Variants in NPHP4 observed in about 807,000 individuals in gnomAD.
NPHP4 encodes the protein nephrocystin-4.
In NPHP4, 151 loss-of-function variants were observed where a neutral mutation model predicts 155.8. The ratio of observed to expected loss-of-function variants is 0.97; its 90% CI spans 0.85 to 1.11. NPHP4 has a LOEUF of 1.11. Among genes scored for constraint, NPHP4 ranks in the 50% least tolerant of loss-of-function variants. The pLI, the probability that NPHP4 is intolerant of heterozygous loss-of-function variation, is 0.00. For synonymous variants in NPHP4, 845 were observed against 816.8 expected (o/e 1.03, Z -0.59); for missense variants, 1,956 against 1,925.7 (o/e 1.02, Z -0.29).
At chr1:5,864,799 C>G in intron 27 of NPHP4, 1 of 537,116 alleles carries the variant, frequency 1.9e-6, no homozygotes, top group Non-Finnish European at 3.3e-6. Flanking sequence ...GCTGGTGGCA[C>G]CAGGGGCCGC....
chr1:5,909,987 C>G (rs1381907731), intron 11 of NPHP4, among the ~76,000 whole-genome samples: 1 of 152,232 alleles, frequency 6.6e-6, no homozygotes, highest in Non-Finnish European at 1.5e-5. Flanking sequence ...ACCCAGGGCT[C>G]TCAGCCCCTG....
intron 16 of NPHP4, among the ~76,000 whole-genome samples, chr1:5,895,476 G>A (rs1198916801): frequency 6.6e-6 from 1 of 152,090 alleles, no homozygotes; most frequent in Non-Finnish European, 1.5e-5. Flanking sequence ...CTCCAGCTTG[G>A]GCAACAGAGT....
chr1:5,950,849 A>T (rs150539118), intron 7 of NPHP4, among the ~76,000 whole-genome samples: 117 of 152,294 alleles, frequency 7.7e-4, no homozygotes, highest in Non-Finnish European at 1.5e-3. Flanking sequence ...CTCAGCCCCA[A>T]CCTGAAAATA....
chr1:5,961,376 C>T (rs1650282848), intron 6 of NPHP4, among the ~76,000 whole-genome samples: 1 of 152,190 alleles, frequency 6.6e-6, no homozygotes, highest in East Asian at 1.9e-4. Context: ...CTGAACTGTA[C>T]ATTTTAAAAG....
chr1:5,964,052 T>C (rs937734908), intron 5 of NPHP4, among the ~76,000 whole-genome samples: 4 of 152,192 alleles, frequency 2.6e-5, no homozygotes, highest in African/African-American at 9.6e-5. Flanking sequence ...TCATGAAACA[T>C]CAATTCCACG....
At chr1:5,920,213 G>A (rs1645672790) in intron 11 of NPHP4, among the ~76,000 whole-genome samples, 1 of 152,192 alleles carries the variant, frequency 6.6e-6, no homozygotes, top group Non-Finnish European at 1.5e-5. Context: ...TTACAGGCAT[G>A]AGCCACCGCG....
chr1:5,970,042 G>A (rs1256991627), intron 3 of NPHP4, among the ~76,000 whole-genome samples: 1 of 152,100 alleles, frequency 6.6e-6, no homozygotes, highest in Non-Finnish European at 1.5e-5. Context: ...GCCAGCCTCT[G>A]CCTCCGCCTT....
Position 5,892,010 on chromosome 1 carries a change from G to C in NPHP4, c.2144-982C>G, listed in dbSNP as rs747713736. Among the ~76,000 whole-genome samples, 1 of 152,244 alleles carries C rather than the reference G, an allele frequency of 6.6e-6. No individual in the cohort carries two copies. Among genetic ancestry groups the C allele is most frequent in the Non-Finnish European group, 1.5e-5 (1 of 68,042 alleles). ...GAGCAAGGACCCACTGCTCAGGCCC[G>C]GCGCTGGCCACAGCAGGAGCTCACG... On this transcript the variant is annotated intron_variant, in intron 16 of 29. Coordinates refer to ENST00000378156, the MANE Select transcript of NPHP4 (RefSeq NM_015102.5). This position sits in a 1 kb window ranked among gnomAD's most constrained non-coding sequence, Gnocchi z 4.5.
chr1:5,966,280 G>A (rs528810883), intron 5 of NPHP4, among the ~76,000 whole-genome samples: 37 of 152,248 alleles, frequency 2.4e-4, no homozygotes, highest in Admixed American at 2.0e-3. Context: ...GGGTCTCACT[G>A]TGTCACCCAG....
intron 5 of NPHP4, among the ~76,000 whole-genome samples, chr1:5,966,419 G>C (rs1230487961): frequency 6.6e-6 from 1 of 151,988 alleles, no homozygotes; most frequent in Admixed American, 6.6e-5. Context: ...CTAAATTTTT[G>C]TATTTTTTAT....
chr1:5,925,185 T>C (rs1409050492), intron 11 of NPHP4, among the ~76,000 whole-genome samples: 1 of 152,192 alleles, frequency 6.6e-6, no homozygotes, highest in Non-Finnish European at 1.5e-5. Context: ...GGATTGAAAA[T>C]ATTTTTTAAA....
rs1644847396 is a variant in NPHP4, at chr1:5,905,029, G to T, written c.1956-225C>A. Among the ~76,000 whole-genome samples, 1 of 152,154 alleles carries T rather than the reference G, an allele frequency of 6.6e-6. No individual in the cohort carries two copies. Among genetic ancestry groups the T allele is most frequent in the African/African-American group, 2.4e-5 (1 of 41,416 alleles). On this transcript the variant is annotated intron_variant, in intron 15 of 29. Transcript: ENST00000378156. The surrounding 1 kb of genome is among the most constrained non-coding windows in gnomAD (Gnocchi z 4.0). ...ACTCCCGGCTAGAGAAGCTGCCTTT[G>T]GAGCTACACTAAGATCTAAGACCTG...
chr1:5,876,925 A>T, intron 20 of NPHP4, 168 bp downstream of exon 20: 1 of 445,990 alleles, frequency 2.2e-6, no homozygotes, highest in Non-Finnish European at 3.9e-6. Flanking sequence ...GATAATTCTC[A>T]CTTAAAGATT....
At chr1:5,901,753 G>A (rs1443162266) in intron 16 of NPHP4, among the ~76,000 whole-genome samples, 2 of 152,218 alleles carry the variant, frequency 1.3e-5, no homozygotes, top group African/African-American at 4.8e-5. Flanking sequence ...ATGGGAAACA[G>A]AGTGGGGAAT....
chr1:5,865,330 G>C (rs978909517), intron 26 of NPHP4, 57 bp from the exon 27 acceptor site: 5 of 1,428,106 alleles, frequency 3.5e-6, no homozygotes, highest in Non-Finnish European at 3.7e-6. Flanking sequence ...ACCGGCCCAC[G>C]AGAGGCCAAC....
chr1:5,968,593 CCT>C (rs568931485), intron 4 of NPHP4, among the ~76,000 whole-genome samples: 154 of 150,922 alleles, frequency 1.0e-3, no homozygotes, highest in African/African-American at 3.7e-3. Context: ...AGAGCAAGAC[CCT>C]GTCTCGAAGA....
chr1:5,888,643 A>G (rs1236388658), intron 17 of NPHP4: 1 of 1,326,620 alleles, frequency 7.5e-7, no homozygotes, highest in Non-Finnish European at 9.9e-7. Context: ...ACAAGAAACC[A>G]TGTCAGCTTC....
At chr1:5,971,735 C>T (rs1254612588) in intron 3 of NPHP4, among the ~76,000 whole-genome samples, 2 of 152,070 alleles carry the variant, frequency 1.3e-5, no homozygotes, top group African/African-American at 2.4e-5. Flanking sequence ...GGAAACTTAA[C>T]GAGCGCCACT....
chr1:5,868,887 C>G (rs966868578), intron 23 of NPHP4, among the ~76,000 whole-genome samples: 1 of 145,242 alleles, frequency 6.9e-6, no homozygotes, highest in Non-Finnish European at 1.5e-5. Flanking sequence ...CACACGCACA[C>G]ATATGCACGC....
Sources: gnomAD v4.1 joint callset for allele counts (sites outside exome capture counted in the v4.1 genomes callset) on GRCh38, gnomAD v4.1.1 for gene constraint, Gnocchi (gnomAD v3.1) non-coding constraint, MANE v1.5 for transcripts, NCBI Gene and HGNC (gene_info 2026-07-23, HGNC 2026-07-21) for gene names.